The following WWC2 variants were observed in gnomAD, a reference collection of about 807,000 sequenced individuals.
The protein encoded by WWC2 is protein WWC2.
Under a neutral mutation model 138.5 loss-of-function variants are expected in WWC2, and 101 were observed. That is an observed-to-expected ratio of 0.73 (90% CI 0.62 to 0.86). The LOEUF is 0.86. WWC2 is among the 40% of genes least tolerant of loss of function. The pLI is 0.00. For synonymous variants in WWC2, 558 were observed against 538.4 expected, an observed-to-expected ratio of 1.04 and a Z score of -0.50; for missense variants, 1,420 against 1,419.4, an observed-to-expected ratio of 1.00 and a Z score of -0.01.
At chr4:183,236,233 T>A (rs1175002562) in intron 4 of WWC2, among the ~76,000 whole-genome samples, 1 of 152,240 alleles carries the variant, frequency 6.6e-6, no homozygotes, top group African/African-American at 2.4e-5. Context: ...TGTGCTGTTT[T>A]GGTTACTATA....
chr4:183,238,929 G>A (rs554729486), intron 4 of WWC2, among the ~76,000 whole-genome samples: 1 of 152,318 alleles, frequency 6.6e-6, no homozygotes, highest in Non-Finnish European at 1.5e-5. Flanking sequence ...ACACATAGTA[G>A]AGAGTCAATA....
chr4:183,274,956 A>T (rs1252856515), intron 16 of WWC2, among the ~76,000 whole-genome samples: 1 of 152,194 alleles, frequency 6.6e-6, no homozygotes, highest in East Asian at 1.9e-4. Context: ...AGCTGTTTTG[A>T]AGTATGTAAT....
intron 1 of WWC2, among the ~76,000 whole-genome samples, chr4:183,164,334 TATAC>T (rs1358792621): frequency 2.6e-3 from 3 of 1,160 alleles, no homozygotes; most frequent in East Asian, 0.021. Flanking sequence ...TATATATATA[TATAC>T]ATATATATAT....
chr4:183,175,671 G>C (rs79311485), intron 1 of WWC2, among the ~76,000 whole-genome samples: 4,560 of 152,214 alleles, frequency 0.03, 239 homozygotes, highest in African/African-American at 0.1. Flanking sequence ...GTTTCTCAAA[G>C]CATCGTTTTT....
chr4:183,118,002 G>C (rs181979401), intron 1 of WWC2, among the ~76,000 whole-genome samples: 2 of 151,784 alleles, frequency 1.3e-5, no homozygotes, highest in Non-Finnish European at 2.9e-5. Flanking sequence ...GTTTCGCCAT[G>C]TTGGCCAGGC....
intron 16 of WWC2, among the ~76,000 whole-genome samples, chr4:183,279,430 A>T (rs866954333): frequency 2.0e-5 from 3 of 152,186 alleles, no homozygotes; most frequent in African/African-American, 7.2e-5. Context: ...TATTGGTCTA[A>T]AATTCTCTTT....
intron 1 of WWC2, among the ~76,000 whole-genome samples, chr4:183,169,437 AT>A (rs55710913): frequency 0.98 from 149,101 of 151,736 alleles, 73,303 homozygotes; most frequent in Middle Eastern, 1. Flanking sequence ...TTTTAAAATA[AT>A]TTTTTTTTTA....
At chr4:183,308,803 A>G (rs1421040306) in intron 21 of WWC2, among the ~76,000 whole-genome samples, 1 of 152,204 alleles carries the variant, frequency 6.6e-6, no homozygotes, top group Non-Finnish European at 1.5e-5. Flanking sequence ...TAATAATGTC[A>G]TTAATGGAAT....
rs371819502 is a variant in WWC2, at chr4:183,113,515, T to TGTGTGTGTGC, written c.131+13894_131+13895insTGTGTGTGCG. On this transcript the variant is annotated intron_variant, in intron 1 of 22. Coordinates refer to ENST00000403733, the MANE Select transcript of WWC2 (RefSeq NM_024949.6). ...GTGTGTGTGTGTGTGTGTGTGTGTGTGCGCGCGCGTGCGCGCGCACATGCA... is the reference window on the plus strand; with the variant it reads ...GTGTGTGTGTGTGTGTGTGTGTGTGTGTGTGTGTGCGCGCGCGCGTGCGCGCGCACATGCA... Among the ~76,000 whole-genome samples, 54 of 126,718 alleles carry TGTGTGTGTGC rather than the reference T, an allele frequency of 4.3e-4. 1 individual carries two copies. The highest frequency in any genetic ancestry group is 1.3e-3 in the African/African-American group (44 of 33,298). The allele number at this position is 126,718 out of a possible 152,430, so 83.1% of individuals were successfully genotyped here.
chr4:183,108,398 A>G (rs1732113407), intron 1 of WWC2, among the ~76,000 whole-genome samples: 1 of 152,088 alleles, frequency 6.6e-6, no homozygotes, highest in Admixed American at 6.5e-5. Flanking sequence ...GGATCCCAGT[A>G]GAGGGGTATC....
At chr4:183,115,774 A>G (rs1028698486) in intron 1 of WWC2, among the ~76,000 whole-genome samples, 1 of 152,040 alleles carries the variant, frequency 6.6e-6, no homozygotes, top group African/African-American at 2.4e-5. Flanking sequence ...TAGTTTGCAT[A>G]TATTTTCTCC....
intron 4 of WWC2, among the ~76,000 whole-genome samples, chr4:183,218,464 G>T (rs781540066): frequency 6.6e-6 from 1 of 152,136 alleles, no homozygotes; most frequent in African/African-American, 2.4e-5. Flanking sequence ...CGATCACAAG[G>T]TAATTCTAAA....
chr4:183,311,819 C>T (rs1362803976), intron 21 of WWC2, among the ~76,000 whole-genome samples: 1 of 151,902 alleles, frequency 6.6e-6, no homozygotes, highest in East Asian at 1.9e-4. Context: ...CCTCGTGATC[C>T]GCCTGCCTCG....
At chr4:183,173,010 C>T (rs112769107) in intron 1 of WWC2, among the ~76,000 whole-genome samples, 3 of 151,738 alleles carry the variant, frequency 2.0e-5, no homozygotes, top group Non-Finnish European at 2.9e-5. Context: ...TATTTATGTA[C>T]GTATTTATTT....
At chr4:183,210,075 C>A (rs1292833355) in intron 4 of WWC2, among the ~76,000 whole-genome samples, 1 of 152,118 alleles carries the variant, frequency 6.6e-6, no homozygotes, top group Non-Finnish European at 1.5e-5. Context: ...TAGTGTTCCA[C>A]TTTTGTGTAC....
intron 1 of WWC2, among the ~76,000 whole-genome samples, chr4:183,153,414 A>C (rs971309487): frequency 6.6e-6 from 1 of 152,156 alleles, no homozygotes; most frequent in Non-Finnish European, 1.5e-5. Context: ...CATTCCAGAT[A>C]CATTTGGTAA....
At chr4:183,235,862 TATC>T (rs1736408870) in intron 4 of WWC2, among the ~76,000 whole-genome samples, 1 of 152,256 alleles carries the variant, frequency 6.6e-6, no homozygotes, top group Admixed American at 6.5e-5. Flanking sequence ...TAAATTGACC[TATC>T]ATCATAATCC....
At chr4:183,117,929 T>A (rs1256732579) in intron 1 of WWC2, among the ~76,000 whole-genome samples, 2 of 152,182 alleles carry the variant, frequency 1.3e-5, no homozygotes, top group East Asian at 3.9e-4. Flanking sequence ...GCCCCCCAAG[T>A]AGCTGGGACT....
At chr4:183,246,463 C>T (rs1736783058) in intron 6 of WWC2, among the ~76,000 whole-genome samples, 1 of 151,974 alleles carries the variant, frequency 6.6e-6, no homozygotes, top group Non-Finnish European at 1.5e-5. Flanking sequence ...GATAAATATT[C>T]TTGGATCCAT....
Sources: gnomAD v4.1 joint callset for allele counts (sites outside exome capture counted in the v4.1 genomes callset) on GRCh38, gnomAD v4.1.1 for gene constraint, MANE v1.5 for transcripts, NCBI Gene and HGNC (gene_info 2026-07-23, HGNC 2026-07-21) for gene names.